The following ENOSF1 variants were observed in gnomAD, a reference collection of about 807,000 sequenced individuals.
ENOSF1 encodes the protein enolase superfamily member 1.
A neutral mutation model predicts 68.2 loss-of-function variants in ENOSF1; 73 were observed. That is an observed-to-expected ratio of 1.07 (90% CI 0.89 to 1.30). The LOEUF (loss-of-function observed/expected upper bound fraction) is 1.30, where lower values mean the gene tolerates loss of function less well. ENOSF1 is among the 50% of genes most tolerant of loss of function. The probability of loss-of-function intolerance (pLI) is 0.00; values close to 1 mark genes in which losing one functional copy is unlikely to be tolerated. For missense variants in ENOSF1, 589 were observed against 554.5 expected (o/e 1.06, Z -0.62); for synonymous variants, 223 against 210.4 (o/e 1.06, Z -0.52).
chr18:667,010 G>C (rs2074845464), downstream of ENOSF1, among the ~76,000 whole-genome samples: 6 of 7,330 alleles, frequency 8.2e-4, 1 homozygote, highest in South Asian at 0.031. Flanking sequence ...GATGGTGATG[G>C]TGATGGAGAT....
downstream of ENOSF1, among the ~76,000 whole-genome samples, chr18:667,541 T>A (rs867982304): frequency 4.3e-4 from 28 of 64,942 alleles, no homozygotes; most frequent in East Asian, 1.7e-3. Flanking sequence ...ATGGTGATGG[T>A]GATGGTGATG....
intron 5 of ENOSF1, chr18:692,637 A>G (rs200312011): frequency 5.9e-6 from 4 of 681,564 alleles, no homozygotes; most frequent in Admixed American, 6.9e-5. Flanking sequence ...GAAAAAAGAA[A>G]AGAGTACTGG....
intron 12 of ENOSF1, chr18:678,227 C>T (rs1443104344): frequency 6.8e-5 from 20 of 293,516 alleles, no homozygotes; most frequent in South Asian, 2.1e-4. Context: ...GATGACAACA[C>T]GGAACCACGG....
rs550834822 is a variant in ENOSF1 at position 672,533 on chromosome 18, G to A, written c.*1772C>T. On this transcript the variant is annotated 3_prime_UTR_variant, in exon 16 of 16. Transcript: ENST00000647584. ...TAGGGATTGTGGAATTCAAGTAAAC[G>A]TAGAGCTACTATGAGTTACAGATTG... 62 of 180,938 alleles carry A rather than the reference G, an allele frequency of 3.4e-4. No homozygotes were observed. The highest frequency in any genetic ancestry group is 6.4e-4 in the Non-Finnish European group (55 of 85,832). 11.2% of individuals were successfully genotyped at this position (180,938 alleles called of 1,614,324 possible).
intron 5 of ENOSF1, chr18:693,308 A>G (rs2077390988): frequency 1.6e-6 from 2 of 1,250,258 alleles, no homozygotes; most frequent in Admixed American, 5.3e-5. Context: ...TGTCAAAGTG[A>G]CTGGATAGTA....
At chr18:674,983 GAAT>G (rs1568006605) in intron 15 of ENOSF1, among the ~76,000 whole-genome samples, 1 of 152,218 alleles carries the variant, frequency 6.6e-6, no homozygotes. Context: ...AACATGATCA[GAAT>G]AAATGGCCCC....
Position 670,800 on chromosome 18 carries a change from G to A in ENOSF1, c.*3505C>T. On this transcript the variant is annotated 3_prime_UTR_variant, in exon 16 of 16. Coordinates refer to ENST00000647584, the MANE Select transcript of ENOSF1 (RefSeq NM_017512.7). ...CAGAGATCGGGAGACATGGGCCTCG[G>A]TGTGCCTTTCAACATCGCCAGCTAC... The A allele has an allele frequency of 6.2e-7, 1 of 1,614,134 alleles. No homozygotes were observed. Among genetic ancestry groups the A allele is most frequent in the Non-Finnish European group, 8.5e-7 (1 of 1,180,032 alleles).
Position 693,980 on chromosome 18 carries a change from T to C in ENOSF1, c.397-72A>G, listed in dbSNP as rs1017630012. 185 of 1,489,146 alleles carry C rather than the reference T, an allele frequency of 1.2e-4. 2 individuals are homozygous for C. Among genetic ancestry groups the C allele is most frequent in the African/African-American group, 6.3e-5 (3 of 47,256 alleles). 92.2% of individuals were successfully genotyped at this position (1,489,146 alleles called of 1,614,324 possible). A position where few individuals can be genotyped will look rare whatever the true frequency, so the allele number is the denominator to read the frequency against. ...CCATTTTTTCCTGACAGTAAACGCG[T>C]TGGCAGCTCTAATGCTGGCTGTCAG... On this transcript the variant is annotated intron_variant, in intron 4 of 15. Transcript: ENST00000647584.
downstream of ENOSF1, chr18:669,358 C>A: frequency 2.2e-6 from 1 of 463,504 alleles, no homozygotes; most frequent in Non-Finnish European, 3.8e-6. Flanking sequence ...TGAGGTTGGG[C>A]CCAGAGGATT....
chr18:690,112 GTTC>G lies in ENOSF1; in HGVS notation c.618+434_618+436del, dbSNP rs1422248858. Among the ~76,000 whole-genome samples the G allele has an allele frequency of 4.6e-5, 7 of 152,030 alleles. 1 individual carries two copies. Among genetic ancestry groups the G allele is most frequent in the African/African-American group, 1.5e-4 (6 of 41,312 alleles). On this transcript the variant is annotated intron_variant, in intron 8 of 15. Coordinates refer to ENST00000647584, the MANE Select transcript of ENOSF1 (RefSeq NM_017512.7). ...CCCTGTGTGTCTCTTCAGTTTGGCT[GTTC>G]TTAAGTTGCATCCTTTATAATAAAT...
chr18:678,806 C>A, intron 11 of ENOSF1, 69 bp from the exon 12 acceptor site: 1 of 1,530,090 alleles, frequency 6.5e-7, no homozygotes, highest in Non-Finnish European at 9.1e-7. Flanking sequence ...TGTTTAAAAA[C>A]ATTTATAGCT....
chr18:695,483 T>C (rs192212486), intron 3 of ENOSF1, among the ~76,000 whole-genome samples: 40 of 152,382 alleles, frequency 2.6e-4, no homozygotes, highest in Admixed American at 1.9e-3. Flanking sequence ...CCTCAATTAA[T>C]TGTAGCTATG....
intron 10 of ENOSF1, among the ~76,000 whole-genome samples, chr18:683,910 A>C (rs1193367031): frequency 3.9e-5 from 6 of 152,024 alleles, no homozygotes; most frequent in African/African-American, 1.4e-4. Flanking sequence ...GTTCCATTTA[A>C]TATTTATAAT....
chr18:674,544 A>G, intron 15 of ENOSF1, 138 bp from the exon 16 acceptor site: 1 of 549,864 alleles, frequency 1.8e-6, no homozygotes. Context: ...TTTGACATGG[A>G]GTCACTGTCC....
intron 5 of ENOSF1, 188 bp from the exon 6 acceptor site, chr18:691,464 G>C (rs1212323843): frequency 3.5e-6 from 2 of 564,550 alleles, no homozygotes; most frequent in Non-Finnish European, 6.3e-6. Flanking sequence ...TCCTGCCTCA[G>C]CCTCCTGAGT....
chr18:690,840 T>C lies in ENOSF1; in HGVS notation c.536-209A>G, dbSNP rs561884896. The C allele has an allele frequency of 2.8e-6, 4 of 1,420,230 alleles. No homozygotes were observed. In the East Asian group the frequency reaches 7.5e-5, roughly 27 times the overall value. 88.0% of individuals were successfully genotyped at this position (1,420,230 alleles called of 1,614,324 possible). On this transcript the variant is annotated intron_variant, in intron 7 of 15. Coordinates refer to ENST00000647584, the MANE Select transcript of ENOSF1 (RefSeq NM_017512.7). ...TGCCCTGCTCCCCCAGGGCTCTCCC[T>C]ACAGTGTAATCCTAAAGCCAAACTT...
In ENOSF1 at chr18:671,416, A is replaced by G. The variant is rs1350693342; in HGVS notation, c.*2889T>C. 3 of 1,612,954 alleles carry G rather than the reference A, an allele frequency of 1.9e-6. No individual in the cohort carries two copies. The highest frequency in any genetic ancestry group is 1.7e-6 in the Non-Finnish European group (2 of 1,179,522). ...TATACACACTTTGGGAGATGCACAT[A>G]TTTACCTGAATCACATCGAGCCACT... On this transcript the variant is annotated 3_prime_UTR_variant, in exon 16 of 16. Coordinates refer to ENST00000647584, the MANE Select transcript of ENOSF1 (RefSeq NM_017512.7).
chr18:697,180 G>A lies in ENOSF1; in HGVS notation c.309+60C>T, dbSNP rs931186369. The A allele has an allele frequency of 1.3e-5, 15 of 1,113,084 alleles. No homozygotes were observed. In the East Asian group the frequency reaches 3.3e-4, roughly 24 times the overall value. 69.0% of individuals were successfully genotyped at this position (1,113,084 alleles called of 1,614,324 possible). On this transcript the variant is annotated intron_variant, in intron 3 of 15. Transcript: ENST00000647584. ...TATTTTCACATTCGTTGCACTCAAA[G>A]GACATCTCAGACCTTGGTAATATTA...
At chr18:677,721 G>A (rs779309378) in intron 13 of ENOSF1, 22 bp downstream of exon 13, 12 of 1,605,716 alleles carry the variant, frequency 7.5e-6, no homozygotes, top group Non-Finnish European at 1.0e-5. Context: ...GGTCTGGTCT[G>A]CAGCCGCTGC....
Sources: allele counts gnomAD v4.1 joint callset (sites outside exome capture counted in the v4.1 genomes callset), GRCh38; gene constraint gnomAD v4.1.1; transcripts MANE v1.5; gene names NCBI Gene and HGNC (gene_info 2026-07-23, HGNC 2026-07-21).